The following LAMA4 variants were observed in gnomAD, a reference collection of about 807,000 sequenced individuals.
The protein encoded by LAMA4 is laminin subunit alpha-4.
A neutral mutation model predicts 207.1 loss-of-function variants in LAMA4; 127 were observed. That is an observed-to-expected ratio of 0.61 (90% CI 0.53 to 0.71). The LOEUF (loss-of-function observed/expected upper bound fraction) is 0.71. Among genes scored for constraint, LAMA4 ranks in the 30% least tolerant of loss-of-function variants. The pLI, the probability that LAMA4 is intolerant of heterozygous loss-of-function variation, is 0.00. For synonymous variants in LAMA4, 761 were observed against 816.0 expected (o/e 0.93, Z 1.15); for missense variants, 2,093 against 2,246.5 (o/e 0.93, Z 1.38).
intron 13 of LAMA4, 45 bp downstream of exon 13, chr6:112,165,115 A>G: frequency 9.5e-7 from 1 of 1,050,888 alleles, no homozygotes. Flanking sequence ...CTGCTGTTGT[A>G]ACCTGCTGGA....
In LAMA4 at chr6:112,142,343, G is replaced by A. The variant is rs150691496; in HGVS notation, c.2494-51C>T. 554 of 1,522,622 alleles carry A rather than the reference G, an allele frequency of 3.6e-4. 4 individuals are homozygous for A. In the Middle Eastern group the frequency reaches 0.013, roughly 37 times the overall value. 94.3% of individuals were successfully genotyped at this position (1,522,622 alleles called of 1,614,324 possible). A position where few individuals can be genotyped will look rare whatever the true frequency, so the allele number is the denominator to read the frequency against. ...AAAGTGCTTTGCAGAAATGGGCAGAGTGCTTTCCCGTGCTTCCCTCATTCG... is the reference window on the plus strand; with the variant it reads ...AAAGTGCTTTGCAGAAATGGGCAGAATGCTTTCCCGTGCTTCCCTCATTCG... On this transcript the variant is annotated intron_variant, in intron 19 of 38. Coordinates refer to ENST00000230538, the MANE Select transcript of LAMA4 (RefSeq NM_001105206.3).
chr6:112,183,587 C>T (rs1225779419), intron 9 of LAMA4, among the ~76,000 whole-genome samples: 3 of 152,052 alleles, frequency 2.0e-5, no homozygotes, highest in African/African-American at 7.2e-5. Flanking sequence ...GGAATTCTGC[C>T]TGGGCTGTGG....
chr6:112,206,029 C>A (rs1345660635), intron 4 of LAMA4, among the ~76,000 whole-genome samples: 1 of 152,220 alleles, frequency 6.6e-6, no homozygotes, highest in African/African-American at 2.4e-5. Flanking sequence ...TTCTCCATAT[C>A]CTGCTCTATG....
At chr6:112,135,578 A>G (rs1473296148) in intron 25 of LAMA4, among the ~76,000 whole-genome samples, 3 of 152,184 alleles carry the variant, frequency 2.0e-5, no homozygotes, top group African/African-American at 7.2e-5. Flanking sequence ...TAAAATAGTT[A>G]ATGAAAATGG....
In LAMA4 at chr6:112,131,024, A is replaced by T; in HGVS notation, c.3912T>A (p.Asp1304Glu). ...GGGACAGCCCATCATTGTACTGCTT[A>T]TCTACTGACTGAACTTTGATTCCCT... ...DVKGIKVQSVDKQYNDGLSHF... is the reference protein window; with the variant it reads ...DVKGIKVQSVEKQYNDGLSHF... The change falls in exon 29 of 39, where the codon GAT (aspartate) becomes GAA (glutamate). Residue 1304 changes from aspartate (D) to glutamate (E), a missense_variant. Around this residue, in one of 3 missense-constraint regions of LAMA4, gnomAD observed 1,704 missense variants for 1,788.4 expected, o/e 0.95. Coordinates refer to ENST00000230538, the MANE Select transcript of LAMA4 (RefSeq NM_001105206.3). 1 of 1,613,070 alleles carries T rather than the reference A, an allele frequency of 6.2e-7. No individual in the cohort carries two copies. The highest frequency in any genetic ancestry group is 8.5e-7 in the Non-Finnish European group (1 of 1,179,158).
chr6:112,168,552 A>T (rs1308497341), intron 12 of LAMA4, among the ~76,000 whole-genome samples: 2 of 151,590 alleles, frequency 1.3e-5, no homozygotes, highest in African/African-American at 4.8e-5. Context: ...CACCATGTTG[A>T]CTGGGCTGAT....
intron 8 of LAMA4, among the ~76,000 whole-genome samples, chr6:112,186,571 C>T (rs756103102): frequency 2.6e-5 from 4 of 152,096 alleles, no homozygotes; most frequent in Non-Finnish European, 4.4e-5. Context: ...CCCAGGACCC[C>T]GTGGGGATGC....
At position 112,139,764 on chromosome 6, in the gene LAMA4, A is replaced by T; in HGVS notation, c.3098T>A (p.Val1033Glu). Residue 1033 changes from valine to glutamate, a missense_variant, in exon 23 of 39, where the codon GTG becomes GAG. By Grantham distance (121) the Val-to-Glu change is moderately radical. Around this residue, in one of 3 missense-constraint regions of LAMA4, gnomAD observed 1,704 missense variants for 1,788.4 expected, o/e 0.95. Transcript: ENST00000230538. Reference sequence around the variant, plus strand: ...AACTGTCTCTTACCGGGCACATGGCACTGATGTGGAGGGGTCCATATTATA... The same window carrying T: ...AACTGTCTCTTACCGGGCACATGGCTCTGATGTGGAGGGGTCCATATTATA... ...HIYNMDPSTS[V>E]PCARDKLAFT... 1 of 1,614,026 alleles carries T rather than the reference A, an allele frequency of 6.2e-7. No individual in the cohort carries two copies. Among genetic ancestry groups the T allele is most frequent in the East Asian group, 2.2e-5 (1 of 44,884 alleles).
At chr6:112,140,656 T>C (rs1480200153) in intron 22 of LAMA4, 104 bp downstream of exon 22, 11 of 1,038,958 alleles carry the variant, frequency 1.1e-5, no homozygotes, top group Admixed American at 2.0e-5. Flanking sequence ...TGAACTAAGC[T>C]CTTAAAGTGA....
chr6:112,249,643 A>G (rs1352345410), intron 2 of LAMA4, among the ~76,000 whole-genome samples: 5 of 152,094 alleles, frequency 3.3e-5, no homozygotes, highest in African/African-American at 1.2e-4. Flanking sequence ...TGTGTATCAA[A>G]TGAGATAATA....
chr6:112,157,660 T>C (rs554774932), intron 14 of LAMA4, among the ~76,000 whole-genome samples: 37 of 152,202 alleles, frequency 2.4e-4, no homozygotes, highest in Non-Finnish European at 5.1e-4. Context: ...AGTTATATTT[T>C]GGAATCCCAA....
intron 24 of LAMA4, among the ~76,000 whole-genome samples, chr6:112,136,691 C>CAAAAAAAAAA (rs57602663): frequency 8.5e-6 from 1 of 118,194 alleles, no homozygotes; most frequent in Non-Finnish European, 1.8e-5. Flanking sequence ...GACTCTGTCT[C>CAAAAAAAAAA]AAAAAAAAAA....
chr6:112,227,288 C>A (rs1785273979), intron 2 of LAMA4, among the ~76,000 whole-genome samples: 1 of 151,998 alleles, frequency 6.6e-6, no homozygotes, highest in Middle Eastern at 3.2e-3. Context: ...CCAGGCTGGT[C>A]TTGAACTCCT....
chr6:112,133,600 T>G (rs1779170479), intron 26 of LAMA4, 113 bp from the exon 27 acceptor site: 1 of 1,267,018 alleles, frequency 7.9e-7, no homozygotes, highest in African/African-American at 1.5e-5. Flanking sequence ...TTTATAATCA[T>G]TCATATTCTC....
intron 17 of LAMA4, among the ~76,000 whole-genome samples, chr6:112,149,414 T>A (rs1244885014): frequency 1.3e-5 from 2 of 151,882 alleles, no homozygotes; most frequent in African/African-American, 4.8e-5. Context: ...TCCCCATGTG[T>A]CATGGGAGGG....
At chr6:112,113,883 GCCAC>G (rs1777850403) in intron 38 of LAMA4, among the ~76,000 whole-genome samples, 189 bp downstream of exon 38, 1 of 152,130 alleles carries the variant, frequency 6.6e-6, no homozygotes, top group Admixed American at 6.6e-5. Flanking sequence ...GAGAGTAATA[GCCAC>G]TGGCTGGAAT....
chr6:112,166,320 C>G (rs1205246345), intron 12 of LAMA4: 1 of 152,166 alleles, frequency 6.6e-6, no homozygotes, highest in African/African-American at 2.4e-5. Flanking sequence ...AATGCAAGAA[C>G]ATTTTTAAAG....
At chr6:112,132,968 A>T in intron 27 of LAMA4, 78 bp from the exon 28 acceptor site, 1 of 1,439,654 alleles carries the variant, frequency 6.9e-7, no homozygotes, top group Admixed American at 1.7e-5. Flanking sequence ...CACATACGGA[A>T]GGCCTTGCCT....
intron 11 of LAMA4, among the ~76,000 whole-genome samples, chr6:112,174,863 T>G (rs2114878266): frequency 6.6e-6 from 1 of 152,366 alleles, no homozygotes; most frequent in South Asian, 2.1e-4. Context: ...CTACTGTGAT[T>G]TGGTGCCTAC....
Sources: gnomAD v4.1 joint callset for allele counts (sites outside exome capture counted in the v4.1 genomes callset) on GRCh38, gnomAD v4.1.1 for gene constraint, gnomAD v4.1.1 regional missense constraint, MANE v1.5 for transcripts, NCBI Gene and HGNC (gene_info 2026-07-23, HGNC 2026-07-21) for gene names.